CCSER2: variants seen among roughly 807,000 people sequenced by gnomAD.
CCSER2 encodes the protein serine-rich coiled-coil domain-containing protein 2.
CCSER2 carries 46 observed loss-of-function variants against 92.3 expected under a neutral mutation model. The ratio of observed to expected loss-of-function variants is 0.50; its 90% CI spans 0.39 to 0.64. The LOEUF (loss-of-function observed/expected upper bound fraction) is 0.64, where lower values mean the gene tolerates loss of function less well. CCSER2 is among the 30% of genes least tolerant of loss of function. The pLI is 0.00. For synonymous variants in CCSER2, 433 were observed against 431.4 expected (o/e 1.00, Z -0.04); for missense variants, 1,244 against 1,238.9 (o/e 1.00, Z -0.06).
In CCSER2 at chr10:84,442,487, A is replaced by G. The variant is rs114217679; in HGVS notation, c.2064+3780A>G. 5.3e-3 allele frequency among the ~76,000 whole-genome samples: 800 copies of G among 152,330 alleles called. 2 individuals are homozygous for G. Among genetic ancestry groups the G allele is most frequent in the African/African-American group, 0.018 (760 of 41,570 alleles). ...ATATTATGATCATTTATCTATCTATATCTACATCTGTATATTTCTCCAGAG... is the reference window on the plus strand; with the variant it reads ...ATATTATGATCATTTATCTATCTATGTCTACATCTGTATATTTCTCCAGAG... On this transcript the variant is annotated intron_variant, in intron 6 of 9. Coordinates refer to ENST00000372088, the MANE Select transcript of CCSER2 (RefSeq NM_001284240.2).
intron 3 of CCSER2, among the ~76,000 whole-genome samples, chr10:84,390,499 TTG>T (rs1233831340): frequency 6.6e-6 from 1 of 152,212 alleles, no homozygotes; most frequent in Non-Finnish European, 1.5e-5. Context: ...ATAACGATAT[TTG>T]TGTATCTAAG....
At chr10:84,347,028 CT>C (rs904919858) in intron 1 of CCSER2, among the ~76,000 whole-genome samples, 2 of 152,140 alleles carry the variant, frequency 1.3e-5, no homozygotes, top group African/African-American at 4.8e-5. Flanking sequence ...CAAAGCACAT[CT>C]TGCACCGCCC....
chr10:84,417,967 T>C (rs1842961922), intron 4 of CCSER2, 106 bp downstream of exon 4: 4 of 663,234 alleles, frequency 6.0e-6, no homozygotes. Flanking sequence ...AATGGAGCCT[T>C]TCAGACTGAG....
intron 1 of CCSER2, among the ~76,000 whole-genome samples, chr10:84,344,617 G>A (rs4129390): frequency 0.058 from 8,860 of 152,268 alleles, 371 homozygotes; most frequent in Admixed American, 0.1. Context: ...CCCTAGGGAA[G>A]GTGGGAAAGA....
Position 84,438,562 on chromosome 10 carries a change from G to A in CCSER2, c.1919G>A (p.Gly640Glu). ...TTGGGTCATTTTGAAAGCTATGGAG[G>A]GATGCCCTTTTTCCAGGCTCAGAAG... ...SPLGHFESYG[G>E]MPFFQAQKMF... The change falls in exon 6 of 10, where the codon GGG (glycine) becomes GAG (glutamate). Residue 640 changes from glycine to glutamate, a missense_variant. By Grantham distance (98) the Gly-to-Glu change is moderately conservative (BLOSUM62 -2). Coordinates refer to ENST00000372088, the MANE Select transcript of CCSER2 (RefSeq NM_001284240.2). 1 of 1,613,602 alleles carries A rather than the reference G, an allele frequency of 6.2e-7. No individual in the cohort carries two copies.
chr10:84,489,373 G>C (rs969080440), intron 9 of CCSER2, among the ~76,000 whole-genome samples: 7 of 152,068 alleles, frequency 4.6e-5, no homozygotes, highest in African/African-American at 1.7e-4. Flanking sequence ...GTGGGAGTCA[G>C]AGTCTCTTTC....
At chr10:84,462,527 G>GAT (rs1223577113) in intron 6 of CCSER2, among the ~76,000 whole-genome samples, 1 of 152,150 alleles carries the variant, frequency 6.6e-6, no homozygotes, top group Non-Finnish European at 1.5e-5. Context: ...TTTTTACTGA[G>GAT]ATGAGTCCTG....
chr10:84,502,671 T>C (rs1299759274), intron 9 of CCSER2, among the ~76,000 whole-genome samples: 2 of 151,882 alleles, frequency 1.3e-5, no homozygotes, highest in Non-Finnish European at 2.9e-5. Context: ...ACGCTCGGCC[T>C]CTTTGATGAC....
chr10:84,372,451 A>G lies in CCSER2; in HGVS notation c.1399A>G (p.Ile467Val), dbSNP rs1450754136. 2 of 1,570,510 alleles carry G rather than the reference A, an allele frequency of 1.3e-6. No homozygotes were observed. The highest frequency in any genetic ancestry group is 1.7e-6 in the Non-Finnish European group (2 of 1,163,940). The change falls in exon 2 of 10, where the codon ATA (isoleucine) becomes GTA (valine). Residue 467 changes from isoleucine to valine, a missense_variant. Transcript: ENST00000372088. ...EKAFSKTDEW[I>V]DISVSDRSEC... is the part of the protein sequence containing the mutation. ...AGCCTTCAGTAAAACTGATGAATGG[A>G]TAGATATAAGTGTCTCTGGTAAATA...
intron 8 of CCSER2, among the ~76,000 whole-genome samples, chr10:84,473,969 C>T (rs542386324): frequency 5.3e-5 from 8 of 152,204 alleles, no homozygotes; most frequent in South Asian, 2.1e-4. Flanking sequence ...CATAAAAATA[C>T]GTTGACAGTA....
At chr10:84,337,019 A>G (rs1843876337) in intron 1 of CCSER2, among the ~76,000 whole-genome samples, 1 of 152,184 alleles carries the variant, frequency 6.6e-6, no homozygotes, top group Non-Finnish European at 1.5e-5. Context: ...GCAGGGTTTT[A>G]GCGGGGGAAG....
intron 1 of CCSER2, among the ~76,000 whole-genome samples, chr10:84,367,214 AT>A (rs924051142): frequency 2.6e-5 from 4 of 150,972 alleles, no homozygotes; most frequent in African/African-American, 9.8e-5. Flanking sequence ...CCCTCCATAG[AT>A]TTTTTTTCAC....
At chr10:84,358,697 CGT>C (rs1414120004) in intron 1 of CCSER2, among the ~76,000 whole-genome samples, 1 of 149,156 alleles carries the variant, frequency 6.7e-6, no homozygotes, top group Non-Finnish European at 1.5e-5. Context: ...CACACACACA[CGT>C]GTATATATAT....
At chr10:84,396,113 T>A (rs935585650) in intron 3 of CCSER2, among the ~76,000 whole-genome samples, 5 of 152,136 alleles carry the variant, frequency 3.3e-5, no homozygotes, top group African/African-American at 1.2e-4. Flanking sequence ...TTTCTTCTTA[T>A]TTTTAAGCCT....
At chr10:84,364,575 T>C (rs574786731) in intron 1 of CCSER2, among the ~76,000 whole-genome samples, 76 of 152,262 alleles carry the variant, frequency 5.0e-4, no homozygotes, top group South Asian at 8.3e-4. Context: ...TATAATGTTA[T>C]GAAGATTAAA....
chr10:84,491,680 G>T (rs1376223754), intron 9 of CCSER2, among the ~76,000 whole-genome samples: 1 of 152,126 alleles, frequency 6.6e-6, no homozygotes, highest in African/African-American at 2.4e-5. Flanking sequence ...TTGACCCCTT[G>T]TGCTTCCCGG....
At chr10:84,432,480 A>G (rs906776631) in intron 5 of CCSER2, among the ~76,000 whole-genome samples, 8 of 152,218 alleles carry the variant, frequency 5.3e-5, no homozygotes, top group South Asian at 2.1e-4. Context: ...TTTAGCTCCC[A>G]CTTATAAGTG....
intron 9 of CCSER2, chr10:84,499,821 AT>A: frequency 3.2e-6 from 5 of 1,580,308 alleles, no homozygotes; most frequent in Non-Finnish European, 4.3e-6. Context: ...TGGTTTCTCT[AT>A]TTTTTGGTTC....
At chr10:84,417,748 T>TA in intron 3 of CCSER2, 23 bp from the exon 4 acceptor site, 1 of 1,237,052 alleles carries the variant, frequency 8.1e-7, no homozygotes, top group East Asian at 2.3e-5. Context: ...TTATGGTATA[T>TA]TTTTTACTGC....
Sources: allele counts gnomAD v4.1 joint callset (sites outside exome capture counted in the v4.1 genomes callset), GRCh38; gene constraint gnomAD v4.1.1; transcripts MANE v1.5; gene names NCBI Gene and HGNC (gene_info 2026-07-23, HGNC 2026-07-21).